The following AGTPBP1 variants were observed in gnomAD, a reference collection of about 807,000 sequenced individuals.
The protein encoded by AGTPBP1 is cytosolic carboxypeptidase 1.
Under a neutral mutation model 143.9 loss-of-function variants are expected in AGTPBP1, and 70 were observed. That is an observed-to-expected ratio of 0.49 (90% CI 0.40 to 0.59). AGTPBP1 has a LOEUF of 0.59. Among genes scored for constraint, AGTPBP1 ranks in the 20% least tolerant of loss-of-function variants. The pLI, the probability that AGTPBP1 is intolerant of heterozygous loss-of-function variation, is 0.00. For synonymous variants in AGTPBP1, 463 were observed against 500.2 expected (o/e 0.93, Z 0.99); for missense variants, 1,229 against 1,464.5 (o/e 0.84, Z 2.62).
chr9:85,555,534 G>T (rs1826283585), intron 25 of AGTPBP1, among the ~76,000 whole-genome samples: 1 of 152,212 alleles, frequency 6.6e-6, no homozygotes, highest in African/African-American at 2.4e-5. Context: ...AGGAGGCAGA[G>T]ATTGCAGTGA....
Position 85,585,578 on chromosome 9 carries a change from T to G in AGTPBP1, c.3050A>C (p.His1017Pro). 6.2e-7 allele frequency: 1 copy of G among 1,605,720 alleles called. No individual in the cohort carries two copies. The highest frequency in any genetic ancestry group is 8.5e-7 in the Non-Finnish European group (1 of 1,176,526). ...TACATTCTTCTTTCGGGAATGGCCATGATAATCACAATAAACCTTGAAAAT... is the reference window on the plus strand; with the variant it reads ...TACATTCTTCTTTCGGGAATGGCCAGGATAATCACAATAAACCTTGAAAAT... ...KRLPLVYCDYHGHSRKKNVFM... is the reference protein window; with the variant it reads ...KRLPLVYCDYPGHSRKKNVFM... Residue 1017 changes from histidine (H) to proline (P), a missense_variant, in exon 23 of 26, where the codon CAT (histidine) becomes CCT (proline). Physicochemically the swap from His to Pro is moderately conservative, Grantham distance 77 (BLOSUM62 -2). Coordinates refer to ENST00000357081, the MANE Select transcript of AGTPBP1 (RefSeq NM_001330701.2).
At chr9:85,794,869 T>C in the AGTPBP1 span, among the ~76,000 whole-genome samples, 1 of 152,190 alleles carries the variant, frequency 6.6e-6, no homozygotes, top group Non-Finnish European at 1.5e-5. Context: ...CTAAATATTT[T>C]ATTCTTTTTG....
chr9:85,753,391 G>A, the AGTPBP1 span: 2 of 1,613,690 alleles, frequency 1.2e-6, no homozygotes, highest in East Asian at 4.5e-5. Context: ...AGGAGAAAAG[G>A]TTCGTTTGGA....
chr9:85,724,148 G>A (rs1838312572), intron 1 of AGTPBP1, among the ~76,000 whole-genome samples: 2 of 151,986 alleles, frequency 1.3e-5, no homozygotes, highest in South Asian at 4.2e-4. Flanking sequence ...TTAGCCGGGT[G>A]TGGTGGTGAG....
At chr9:85,677,327 G>C (rs1037572931) in intron 6 of AGTPBP1, 109 bp downstream of exon 6, 1 of 993,098 alleles carries the variant, frequency 1.0e-6, no homozygotes, top group Non-Finnish European at 1.5e-6. Flanking sequence ...TGTATCCATA[G>C]AAATTTAAAA....
chr9:85,592,837 AT>A, intron 18 of AGTPBP1, 133 bp from the exon 19 acceptor site: 1 of 1,035,684 alleles, frequency 9.7e-7, no homozygotes, highest in Non-Finnish European at 1.4e-6. Flanking sequence ...TAAATACCCT[AT>A]TTTAAAAAAA....
intron 12 of AGTPBP1, among the ~76,000 whole-genome samples, chr9:85,644,900 T>A (rs1832719622): frequency 6.6e-6 from 1 of 151,790 alleles, no homozygotes; most frequent in Non-Finnish European, 1.5e-5. Context: ...TCAATGAGAG[T>A]AAGAGGCAGG....
At chr9:85,769,832 T>A in the AGTPBP1 span, among the ~76,000 whole-genome samples, 2 of 152,150 alleles carry the variant, frequency 1.3e-5, no homozygotes, top group African/African-American at 4.8e-5. Flanking sequence ...TCTCTAGATC[T>A]CACTAGTGGA....
chr9:85,769,541 GA>G, the AGTPBP1 span, among the ~76,000 whole-genome samples: 1 of 133,950 alleles, frequency 7.5e-6, no homozygotes, highest in Non-Finnish European at 1.6e-5. Context: ...AAAAAAAAAA[GA>G]AAAAAAGAAC....
At chr9:85,778,760 C>T in the AGTPBP1 span, among the ~76,000 whole-genome samples, 1 of 152,068 alleles carries the variant, frequency 6.6e-6, no homozygotes, top group African/African-American at 2.4e-5. Context: ...ACCACTGGAC[C>T]CCTAGAAATT....
At chr9:85,672,511 T>C (rs371466009) in intron 7 of AGTPBP1, 39 bp downstream of exon 7, 15 of 1,587,582 alleles carry the variant, frequency 9.4e-6, no homozygotes, top group Non-Finnish European at 1.3e-5. Context: ...TGTGTAACTT[T>C]ACAACACTGA....
In AGTPBP1 at chr9:85,547,291, A is replaced by G. The variant is rs2118279232; in HGVS notation, c.3504-5T>C. ...TCCAAGACATAAGTGGTAGGGCTGC[A>G]GCCAAAACACACAGAACATACAAGA... On this transcript the variant is annotated splice_region_variant and splice_polypyrimidine_tract_variant and intron_variant, in intron 25 of 25. Coordinates refer to ENST00000357081, the MANE Select transcript of AGTPBP1 (RefSeq NM_001330701.2). The G allele has an allele frequency of 1.9e-6, 3 of 1,605,928 alleles. No homozygotes were observed. The highest frequency in any genetic ancestry group is 2.5e-6 in the Non-Finnish European group (3 of 1,176,660).
At chr9:85,621,654 G>A (rs1830945423) in intron 14 of AGTPBP1, among the ~76,000 whole-genome samples, 1 of 152,210 alleles carries the variant, frequency 6.6e-6, no homozygotes, top group Non-Finnish European at 1.5e-5. Flanking sequence ...AAGGTATAAA[G>A]ATGTGAAAAG....
At chr9:85,692,909 A>G in intron 2 of AGTPBP1, 96 bp from the exon 3 acceptor site, 2 of 1,397,822 alleles carry the variant, frequency 1.4e-6, no homozygotes, top group South Asian at 2.6e-5. Context: ...CTACTCTTTT[A>G]AAAACAGAAA....
the AGTPBP1 span, chr9:85,792,238 T>C: frequency 6.6e-6 from 1 of 152,222 alleles, no homozygotes; most frequent in Admixed American, 6.5e-5. Context: ...GTAGTTGCAC[T>C]TCACTGTCTA....
At chr9:85,726,907 T>TA (rs1838531644) in intron 1 of AGTPBP1, among the ~76,000 whole-genome samples, 1 of 152,020 alleles carries the variant, frequency 6.6e-6, no homozygotes, top group African/African-American at 2.4e-5. Context: ...ATAAGTATAA[T>TA]AAAAAAGTGT....
At chr9:85,673,804 A>C (rs1447396383) in intron 6 of AGTPBP1, among the ~76,000 whole-genome samples, 1 of 152,086 alleles carries the variant, frequency 6.6e-6, no homozygotes, top group Admixed American at 6.6e-5. Flanking sequence ...ACTATATAAA[A>C]CTACAAATAA....
chr9:85,643,248 A>G (rs924591303), intron 12 of AGTPBP1, among the ~76,000 whole-genome samples: 15 of 152,208 alleles, frequency 9.9e-5, no homozygotes, highest in Non-Finnish European at 1.8e-4. Context: ...ACATACATAT[A>G]TATGATGATG....
intron 25 of AGTPBP1, among the ~76,000 whole-genome samples, chr9:85,570,134 TA>T (rs1349098698): frequency 3.3e-5 from 5 of 151,812 alleles, no homozygotes; most frequent in Non-Finnish European, 2.9e-5. Flanking sequence ...GACTAAGGGG[TA>T]AAGGGGATGG....
Sources: gnomAD v4.1 joint callset for allele counts (sites outside exome capture counted in the v4.1 genomes callset) on GRCh38, gnomAD v4.1.1 for gene constraint, MANE v1.5 for transcripts, NCBI Gene and HGNC (gene_info 2026-07-23, HGNC 2026-07-21) for gene names.